Variants in PSMA1 observed in about 807,000 individuals in gnomAD.
PSMA1 encodes proteasome 20S subunit alpha 1.
A neutral mutation model predicts 38.4 loss-of-function variants in PSMA1; 3 were observed. The observed-to-expected ratio is 0.08, with a 90% confidence interval of 0.04 to 0.20. The LOEUF (loss-of-function observed/expected upper bound fraction) is 0.20. Ranked by LOEUF, PSMA1 falls within the 10% of genes least tolerant of loss-of-function variation. PSMA1 has a pLI of 1.00. For synonymous variants in PSMA1, 101 were observed against 107.1 expected (o/e 0.94, Z 0.35); for missense variants, 227 against 325.3 (o/e 0.70, Z 2.32).
chr11:14,604,114 T>C (rs538684565), intron 2 of PSMA1, among the ~76,000 whole-genome samples: 21 of 152,340 alleles, frequency 1.4e-4, no homozygotes, highest in African/African-American at 3.6e-4. Flanking sequence ...GAAGTAAATA[T>C]TCATATTCAT....
At chr11:14,637,398 A>C (rs1853123337) in intron 1 of PSMA1, among the ~76,000 whole-genome samples, 1 of 152,216 alleles carries the variant, frequency 6.6e-6, no homozygotes, top group Non-Finnish European at 1.5e-5. Context: ...AGCATTTTGC[A>C]CTGTACTGCA....
At chr11:14,522,611 T>C (rs1039790168), upstream of PSMA1, among the ~76,000 whole-genome samples, 6 of 152,276 alleles carry the variant, frequency 3.9e-5, no homozygotes, top group African/African-American at 1.4e-4. Context: ...TATTTATAGT[T>C]TTTTATTACT....
chr11:14,581,684 A>G (rs1455542718), intron 2 of PSMA1, among the ~76,000 whole-genome samples: 1 of 152,318 alleles, frequency 6.6e-6, no homozygotes, highest in East Asian at 1.9e-4. Context: ...ATAGCTTAAG[A>G]AAAAAAGAGG....
At chr11:14,563,853 C>T (rs1233960862) in intron 2 of PSMA1, among the ~76,000 whole-genome samples, 1 of 152,084 alleles carries the variant, frequency 6.6e-6, no homozygotes, top group Non-Finnish European at 1.5e-5. Context: ...GTTGTACTTT[C>T]TCATTTTTCA....
intron 1 of PSMA1, among the ~76,000 whole-genome samples, chr11:14,634,686 T>C (rs911586392): frequency 4.8e-4 from 73 of 152,310 alleles, no homozygotes; most frequent in Middle Eastern, 3.4e-3. Flanking sequence ...AAGTAGTAGC[T>C]CATGTTTTAG....
chr11:14,615,219 A>C (rs1182990301), intron 1 of PSMA1, among the ~76,000 whole-genome samples: 1 of 152,158 alleles, frequency 6.6e-6, no homozygotes, highest in African/African-American at 2.4e-5. Flanking sequence ...CCTCCTTTAA[A>C]AGGTCTTTTA....
intron 1 of PSMA1, among the ~76,000 whole-genome samples, chr11:14,612,888 A>C (rs979203525): frequency 6.6e-6 from 1 of 152,084 alleles, no homozygotes; most frequent in African/African-American, 2.4e-5. Context: ...GTTAGGAAGA[A>C]ATCTTTCCAT....
intron 1 of PSMA1, among the ~76,000 whole-genome samples, chr11:14,611,978 G>A (rs999832287): frequency 5.3e-5 from 8 of 152,214 alleles, no homozygotes. Context: ...GAAAGTGACA[G>A]ACTTGCCACA....
In PSMA1 at chr11:14,634,245, A is replaced by G. The variant is rs543675839; in HGVS notation, c.-166+9210T>C. Among the ~76,000 whole-genome samples the G allele has an allele frequency of 3.9e-5, 6 of 152,278 alleles. No individual in the cohort carries two copies. The East Asian group carries it at 1.2e-3, about 29-fold the overall frequency. ...ACAAAACCAGTCGTTGGTGCCAAAAAGGTTGGGACTGCTGTTTCTGGATAT... is the reference window on the plus strand; with the variant it reads ...ACAAAACCAGTCGTTGGTGCCAAAAGGGTTGGGACTGCTGTTTCTGGATAT... On this transcript the variant is annotated intron_variant, in intron 1 of 10. Coordinates refer to the PSMA1 transcript ENST00000418988.
At chr11:14,603,779 A>C (rs1434133255) in intron 2 of PSMA1, among the ~76,000 whole-genome samples, 5 of 152,360 alleles carry the variant, frequency 3.3e-5, no homozygotes, top group African/African-American at 1.2e-4. Context: ...ATTTATACAA[A>C]ATGCAGAAAT....
At chr11:14,542,257 T>C (rs909309832) in intron 2 of PSMA1, among the ~76,000 whole-genome samples, 13 of 152,242 alleles carry the variant, frequency 8.5e-5, no homozygotes, top group African/African-American at 2.9e-4. Flanking sequence ...CCTTTCATGA[T>C]GTTAATGATG....
At chr11:14,622,853 G>T (rs1229694233) in intron 1 of PSMA1, among the ~76,000 whole-genome samples, 1 of 152,182 alleles carries the variant, frequency 6.6e-6, no homozygotes, top group Non-Finnish European at 1.5e-5. Flanking sequence ...AGTGTCTTAC[G>T]GCAAGTATCA....
chr11:14,530,901 CAAA>C (rs10670662), intron 2 of PSMA1, among the ~76,000 whole-genome samples: 3 of 108,022 alleles, frequency 2.8e-5, no homozygotes, highest in Non-Finnish European at 3.7e-5. Context: ...GACTCCGTCT[CAAA>C]AAAAAAAAAA....
chr11:14,531,228 A>G (rs1200529158), intron 2 of PSMA1, among the ~76,000 whole-genome samples: 4 of 152,088 alleles, frequency 2.6e-5, no homozygotes, highest in African/African-American at 9.7e-5. Context: ...TTGGTGTACA[A>G]ATGATTTCAT....
At chr11:14,591,421 T>C (rs1852413240) in intron 2 of PSMA1, among the ~76,000 whole-genome samples, 1 of 152,126 alleles carries the variant, frequency 6.6e-6, no homozygotes, top group African/African-American at 2.4e-5. Context: ...CCCAGTCCCA[T>C]TGACCACCCA....
chr11:14,558,761 C>G (rs911970909), intron 2 of PSMA1, among the ~76,000 whole-genome samples: 2 of 152,218 alleles, frequency 1.3e-5, no homozygotes, highest in African/African-American at 4.8e-5. Flanking sequence ...TGGGAGGGGG[C>G]TAGGTTGTGG....
intron 2 of PSMA1, among the ~76,000 whole-genome samples, chr11:14,545,115 T>C (rs1851812167): frequency 6.6e-6 from 1 of 152,184 alleles, no homozygotes; most frequent in Non-Finnish European, 1.5e-5. Flanking sequence ...ATTGCATAAT[T>C]CTGTGATTAG....
intron 2 of PSMA1, among the ~76,000 whole-genome samples, chr11:14,568,206 T>C (rs893803166): frequency 1.3e-5 from 2 of 152,184 alleles, no homozygotes; most frequent in Admixed American, 1.3e-4. Context: ...AAGAGTGAAG[T>C]GCCCAACTCC....
chr11:14,552,423 A>G (rs1254726057), intron 2 of PSMA1, among the ~76,000 whole-genome samples: 1 of 152,116 alleles, frequency 6.6e-6, no homozygotes, highest in South Asian at 2.1e-4. Flanking sequence ...AGAGAGAGAA[A>G]CTTGTTTTTT....
Sources: allele counts gnomAD v4.1 joint callset (sites outside exome capture counted in the v4.1 genomes callset), GRCh38; gene constraint gnomAD v4.1.1; transcripts MANE v1.5; gene names NCBI Gene and HGNC (gene_info 2026-07-23, HGNC 2026-07-21).